Variants in MED26 observed in about 807,000 individuals in gnomAD.
The protein encoded by MED26 is mediator of RNA polymerase II transcription subunit 26.
Under a neutral mutation model 43.7 loss-of-function variants are expected in MED26, and 7 were observed. The ratio of observed to expected loss-of-function variants is 0.16; its 90% CI spans 0.09 to 0.30. MED26 has a LOEUF of 0.30. MED26 is among the 10% of genes least tolerant of loss of function. The probability of loss-of-function intolerance (pLI) is 1.00; values close to 1 mark genes in which losing one functional copy is unlikely to be tolerated. For synonymous variants in MED26, 375 were observed against 371.1 expected, an observed-to-expected ratio of 1.01 and a Z score of -0.12; for missense variants, 784 against 840.6, an observed-to-expected ratio of 0.93 and a Z score of 0.83.
intron 1 of MED26, among the ~76,000 whole-genome samples, chr19:16,600,863 G>GC (rs1424824408): frequency 1.3e-5 from 2 of 152,190 alleles, no homozygotes; most frequent in East Asian, 3.9e-4. Flanking sequence ...GGGAGGCCAG[G>GC]CGGGTGGATC....
Position 16,574,981 on chromosome 19 carries a change from T to C in MED26, c.*1046A>G, listed in dbSNP as rs1237840593. 2.0e-5 allele frequency: 3 copies of C among 152,168 alleles called. No homozygotes were observed. The highest frequency in any genetic ancestry group is 7.3e-5 in the African/African-American group (3 of 41,304). 9.4% of individuals were successfully genotyped at this position (152,168 alleles called of 1,614,324 possible). On this transcript the variant is annotated 3_prime_UTR_variant, in exon 3 of 3. Transcript: ENST00000263390. ...CAAGGTGTCCACTTACTGGACCAAA[T>C]AGCAAAGTTGCTCCCTTCTGCGTCC... is the stretch of plus-strand genomic sequence containing the variant.
chr19:16,621,849 C>G (rs1482461724), intron 1 of MED26, among the ~76,000 whole-genome samples: 1 of 152,062 alleles, frequency 6.6e-6, no homozygotes, highest in Non-Finnish European at 1.5e-5. Flanking sequence ...CCACACAGAG[C>G]AAATCTAATC....
rs905423250 is a variant in MED26, at chr19:16,628,123, C to T, written c.-180G>A. On this transcript the variant is annotated 5_prime_UTR_variant, in exon 1 of 3. Coordinates refer to ENST00000263390, the MANE Select transcript of MED26 (RefSeq NM_004831.5). ...GCCGGGGCCGGGTCTCGGTCCCGGGCCGCCGCCGCCACCAAAGGAGGAGGA... is the reference window on the plus strand; with the variant it reads ...GCCGGGGCCGGGTCTCGGTCCCGGGTCGCCGCCGCCACCAAAGGAGGAGGA... 8 of 370,780 alleles carry T rather than the reference C, an allele frequency of 2.2e-5. No homozygotes were observed. The highest frequency in any genetic ancestry group is 1.5e-4 in the African/African-American group (7 of 46,950). The allele number at this position is 370,780 out of a possible 1,614,324, so 23.0% of individuals were successfully genotyped here.
At chr19:16,578,267 G>A (rs2086023705) in intron 2 of MED26, 68 bp downstream of exon 2, 2 of 1,397,850 alleles carry the variant, frequency 1.4e-6, no homozygotes, top group South Asian at 2.3e-5. Flanking sequence ...AGCTGCGGAA[G>A]GACCTGGTTG....
chr19:16,617,475 C>A (rs1335194776), intron 1 of MED26, among the ~76,000 whole-genome samples: 4 of 152,238 alleles, frequency 2.6e-5, no homozygotes, highest in African/African-American at 9.6e-5. Context: ...TAGAAAGTAA[C>A]TCCTGTCTAC....
chr19:16,602,882 T>C (rs539505763), intron 1 of MED26, among the ~76,000 whole-genome samples: 8 of 152,252 alleles, frequency 5.3e-5, no homozygotes, highest in African/African-American at 1.9e-4. Context: ...TTTTGCAAGA[T>C]GAAGAGTCCT....
chr19:16,576,870 C>T lies in MED26; in HGVS notation c.960G>A (p.Gln320=), dbSNP rs1235303999. Residue 320 remains glutamine, a synonymous_variant, in exon 3 of 3, where the codon CAG becomes CAA. Coordinates refer to ENST00000263390, the MANE Select transcript of MED26 (RefSeq NM_004831.5). This position sits in a 1 kb window ranked among gnomAD's most constrained non-coding sequence, Gnocchi z 6.8. ...TQVPSPLPLA[Q]PSTPPVRRLE... is the part of the protein sequence containing the mutation. ...GCCGCCGTACGGGGGGTGTGGACGGCTGTGCCAGTGGAAGCGGTGACGGCA... is the reference window on the plus strand; with the variant it reads ...GCCGCCGTACGGGGGGTGTGGACGGTTGTGCCAGTGGAAGCGGTGACGGCA... The T allele has an allele frequency of 6.2e-7, 1 of 1,610,128 alleles. No homozygotes were observed.
rs150198048 is a variant in MED26, at chr19:16,623,200, T to A, written c.72+4672A>T. Among the ~76,000 whole-genome samples, 488 of 152,188 alleles carry A rather than the reference T, an allele frequency of 3.2e-3. 12 individuals carry two copies. The highest frequency in any genetic ancestry group is 7.5e-4 in the Non-Finnish European group (51 of 68,010). ...AGTCAAAGACAAGGACATACACCTG[T>A]GTCACAGGTGATACTTGCTACCTTT... On this transcript the variant is annotated intron_variant, in intron 1 of 2. Transcript: ENST00000263390.
chr19:16,618,029 T>C (rs1170197005), intron 1 of MED26, among the ~76,000 whole-genome samples: 1 of 151,480 alleles, frequency 6.6e-6, no homozygotes, highest in Non-Finnish European at 1.5e-5. Flanking sequence ...AAAGATCACT[T>C]GACTCTACCC....
chr19:16,590,092 C>T (rs181437470), intron 1 of MED26, among the ~76,000 whole-genome samples: 43 of 152,348 alleles, frequency 2.8e-4, no homozygotes, highest in Admixed American at 4.6e-4. Context: ...GAAGCTTCCC[C>T]GGCAGGAGTA....
At chr19:16,597,709 C>A (rs764920771) in intron 1 of MED26, among the ~76,000 whole-genome samples, 13 of 152,104 alleles carry the variant, frequency 8.5e-5, no homozygotes, top group Non-Finnish European at 1.9e-4. Context: ...CAGCCACTTT[C>A]TAAGGCTGGT....
chr19:16,592,886 AGGC>A (rs2086104342), intron 1 of MED26, among the ~76,000 whole-genome samples: 1 of 152,232 alleles, frequency 6.6e-6, no homozygotes, highest in South Asian at 2.1e-4. Context: ...ACTGTTCCAA[AGGC>A]GGCATCACTC....
rs753557292 is a variant in MED26 at position 16,576,684 on chromosome 19, A to G, written c.1146T>C (p.Asp382=). The stretch of plus-strand genomic sequence containing the variant: ...TGTCCGAGCCCCCTGAGGAGGCAGC[A>G]TCACTGTCCGCCTTGGAGGAGTCTG... ...FSPDSSKADS[D]AASSGGSDSK... is the part of the protein sequence containing the mutation. The change falls in exon 3 of 3, where the codon GAT becomes GAC. Residue 382 remains aspartate, a synonymous_variant. Coordinates refer to ENST00000263390, the MANE Select transcript of MED26 (RefSeq NM_004831.5). This position sits in a 1 kb window ranked among gnomAD's most constrained non-coding sequence, Gnocchi z 6.8. The G allele has an allele frequency of 5.0e-6, 8 of 1,613,982 alleles. No individual in the cohort carries two copies. In the South Asian group the frequency reaches 7.7e-5, roughly 16 times the overall value.
chr19:16,579,808 A>G (rs967972726), intron 1 of MED26, among the ~76,000 whole-genome samples: 2 of 152,198 alleles, frequency 1.3e-5, no homozygotes, highest in African/African-American at 2.4e-5. Context: ...CCACTGTAGC[A>G]TTTCCTTGCA....
At position 16,577,537 on chromosome 19, in the gene MED26, G is replaced by A. The variant is rs772324321; in HGVS notation, c.293C>T (p.Ala98Val). 18 of 1,605,510 alleles carry A rather than the reference G, an allele frequency of 1.1e-5. No homozygotes were observed. Among genetic ancestry groups the A allele is most frequent in the Admixed American group, 1.7e-5 (1 of 59,724 alleles). Residue 98 changes from alanine to valine, a missense_variant, in exon 3 of 3, where the codon GCG (alanine) becomes GTG (valine). By Grantham distance (64) the Ala-to-Val change is moderately conservative. Transcript: ENST00000263390. The surrounding 1 kb of genome is among the most constrained non-coding windows in gnomAD (Gnocchi z 8.1). Reference sequence around the variant, plus strand: ...CCCGTTGGCAGAGCCGGTGGCCCCCGCCAGCCCCCGCAGCGCCGCCTCATG... The same window carrying A: ...CCCGTTGGCAGAGCCGGTGGCCCCCACCAGCCCCCGCAGCGCCGCCTCATG... ...HQHEAALRGLAGATGSANGGA... is the reference protein window; with the variant it reads ...HQHEAALRGLVGATGSANGGA...
chr19:16,604,809 C>T (rs540042959), intron 1 of MED26, among the ~76,000 whole-genome samples: 31 of 152,356 alleles, frequency 2.0e-4, no homozygotes, highest in African/African-American at 7.0e-4. Context: ...TGCGCCACCC[C>T]TACCCCTGGG....
chr19:16,619,209 T>C (rs2086239733), intron 1 of MED26, among the ~76,000 whole-genome samples: 1 of 152,208 alleles, frequency 6.6e-6, no homozygotes, highest in African/African-American at 2.4e-5. Flanking sequence ...TTATATCCCT[T>C]CACATCAGTA....
intron 1 of MED26, among the ~76,000 whole-genome samples, chr19:16,592,951 A>C (rs1568283424): frequency 6.6e-6 from 1 of 151,836 alleles, no homozygotes; most frequent in South Asian, 2.1e-4. Context: ...TTGCACCACC[A>C]CCCCCAACTC....
Position 16,599,530 on chromosome 19 carries a change from G to T in MED26, c.73-21121C>A, listed in dbSNP as rs1422716059. Among the ~76,000 whole-genome samples the T allele has an allele frequency of 5.3e-5, 8 of 152,248 alleles. 1 individual carries two copies. In the East Asian group the frequency reaches 1.6e-3, roughly 30 times the overall value. ...CCCATCCAAGCTCCCTTAAATACTA[G>T]CTTTTGTCACCCAGAATCCCATATT... On this transcript the variant is annotated intron_variant, in intron 1 of 2. Coordinates refer to ENST00000263390, the MANE Select transcript of MED26 (RefSeq NM_004831.5).
Sources: allele counts gnomAD v4.1 joint callset (sites outside exome capture counted in the v4.1 genomes callset), GRCh38; gene constraint gnomAD v4.1.1; non-coding constraint Gnocchi (gnomAD v3.1); transcripts MANE v1.5; gene names NCBI Gene and HGNC (gene_info 2026-07-23, HGNC 2026-07-21).